Variants in MMS19 observed in about 807,000 individuals in gnomAD.
MMS19 encodes MMS19 cytosolic iron-sulfur assembly component.
Under a neutral mutation model 129.8 loss-of-function variants are expected in MMS19, and 77 were observed. The observed-to-expected ratio is 0.59, with a 90% CI of 0.49 to 0.72. The LOEUF is 0.72. Ranked by LOEUF, MMS19 falls within the 30% of genes least tolerant of loss-of-function variation. The probability of loss-of-function intolerance (pLI) is 0.00; values close to 1 mark genes in which losing one functional copy is unlikely to be tolerated. For missense variants in MMS19, 1,168 were observed against 1,266.3 expected (o/e 0.92, Z 1.18); for synonymous variants, 491 against 502.8 (o/e 0.98, Z 0.31).
rs29001324 is a variant in MMS19 at position 97,462,086 on chromosome 10, G to A, written c.2046C>T (p.Pro682=). ...AGGACACGTTGCCATCCAAGAAGAG[G>A]GGCACAATGTGTGTCACACTCTGGG... ...LAAQSVTHIV[P]LFLDGNVSFL... The change falls in exon 21 of 31, where the codon CCC becomes CCT. Residue 682 remains proline, a synonymous_variant. Transcript: ENST00000438925. 2.3e-3 allele frequency: 3,602 copies of A among 1,586,706 alleles called. 83 individuals are homozygous for A. In the African/African-American group the frequency reaches 0.044, roughly 19 times the overall value.
chr10:97,495,886 A>T (rs2039693213), intron 1 of MMS19, among the ~76,000 whole-genome samples: 1 of 152,322 alleles, frequency 6.6e-6, no homozygotes, highest in East Asian at 1.9e-4. Flanking sequence ...GGCTCAAGCG[A>T]TTCTCCAGCC....
chr10:97,480,143 C>CTTTTTTGCCGGCT (rs1023742558), intron 3 of MMS19: 1 of 371,210 alleles, frequency 2.7e-6, no homozygotes, highest in Admixed American at 3.7e-5. Flanking sequence ...GGAGGGCCAG[C>CTTTTTTGCCGGCT]TTTTTTGCCG....
chr10:97,498,545 G>T, upstream of MMS19: 1 of 920,110 alleles, frequency 1.1e-6, no homozygotes, highest in South Asian at 1.8e-5. Context: ...GGAGGGGCGG[G>T]GCCTGAAATG....
Position 97,461,525 on chromosome 10 carries a change from A to G in MMS19, c.2282T>C (p.Phe761Ser). Residue 761 changes from phenylalanine to serine, a missense_variant, in exon 23 of 31, where the codon TTT becomes TCT. By Grantham distance (155) the Phe-to-Ser change is radical. Transcript: ENST00000438925. ...AGGGTGCTTGTTGAGGAGTCCTGCA[A>G]AGCACTTGGCAGCAGCGGTGGAAGA... ...PFSSTAAAKC[F>S]AGLLNKHPAG... is the part of the protein sequence containing the mutation. The G allele has an allele frequency of 1.2e-6, 2 of 1,606,306 alleles. No homozygotes were observed. The highest frequency in any genetic ancestry group is 8.5e-7 in the Non-Finnish European group (1 of 1,176,406).
intron 1 of MMS19, among the ~76,000 whole-genome samples, chr10:97,490,330 T>C (rs897781564): frequency 6.6e-6 from 1 of 152,220 alleles, no homozygotes; most frequent in African/African-American, 2.4e-5. Context: ...TCCACCCACC[T>C]TGACCTCTCA....
intron 1 of MMS19, among the ~76,000 whole-genome samples, chr10:97,486,633 G>C (rs2135497302): frequency 6.6e-6 from 1 of 152,020 alleles, no homozygotes; most frequent in South Asian, 2.1e-4. Context: ...AGAGTAGAAT[G>C]GTGGCTGCAA....
In MMS19 at chr10:97,468,994, AAGG is replaced by A. The variant is rs1400256835; in HGVS notation, c.1032_1034del (p.Leu345del). 9.4e-6 allele frequency: 15 copies of A among 1,589,030 alleles called. No homozygotes were observed. In the South Asian group the frequency reaches 1.7e-4, roughly 18 times the overall value. On this transcript the variant is annotated inframe_deletion, in exon 12 of 31. Coordinates refer to ENST00000438925, the MANE Select transcript of MMS19 (RefSeq NM_022362.5). The stretch of plus-strand genomic sequence containing the variant: ...GTAGAATGTTGCTAAGGAAGGAGTC[AAGG>A]AGGTCCTCAGCATCAGCCCTCAGCA...
At chr10:97,490,913 T>C (rs1406555836) in intron 1 of MMS19, among the ~76,000 whole-genome samples, 4 of 152,130 alleles carry the variant, frequency 2.6e-5, no homozygotes, top group African/African-American at 9.7e-5. Context: ...ATGAGCAGAC[T>C]GTAAGGGTGG....
intron 14 of MMS19, 124 bp from the exon 15 acceptor site, chr10:97,467,025 C>A (rs1261308710): frequency 2.8e-6 from 3 of 1,081,978 alleles, no homozygotes; most frequent in Non-Finnish European, 4.0e-6. Context: ...GTTGCCCAGG[C>A]TGGAGTGCAG....
intron 1 of MMS19, among the ~76,000 whole-genome samples, chr10:97,496,065 GCCACTGTGCCCA>G (rs1159775251): frequency 6.6e-6 from 1 of 152,246 alleles, no homozygotes; most frequent in Non-Finnish European, 1.5e-5. Flanking sequence ...ACAGGCGTGA[GCCACTGTGCCCA>G]CCACCAACTT....
intron 1 of MMS19, among the ~76,000 whole-genome samples, chr10:97,496,253 T>A (rs1224467232): frequency 6.6e-6 from 1 of 152,196 alleles, no homozygotes; most frequent in Non-Finnish European, 1.5e-5. Context: ...CAGTGGCTCA[T>A]GCCTGTAATC....
At chr10:97,466,928 G>C in intron 14 of MMS19, 27 bp from the exon 15 acceptor site, 1 of 1,612,968 alleles carries the variant, frequency 6.2e-7, no homozygotes, top group Non-Finnish European at 8.5e-7. Flanking sequence ...GGCCAGGTTA[G>C]AAGGAAGCCA....
intron 1 of MMS19, among the ~76,000 whole-genome samples, chr10:97,494,338 T>G (rs193098805): frequency 6.6e-6 from 1 of 152,174 alleles, no homozygotes; most frequent in Non-Finnish European, 1.5e-5. Flanking sequence ...TGACACAGAA[T>G]GCACAAACAG....
At chr10:97,462,201 G>A in intron 20 of MMS19, 82 bp from the exon 21 acceptor site, 1 of 985,638 alleles carries the variant, frequency 1.0e-6, no homozygotes, top group Non-Finnish European at 1.6e-6. Flanking sequence ...TTTCAACCTA[G>A]GGTTTGAATT....
In MMS19 at chr10:97,477,207, C is replaced by A. The variant is rs554740338; in HGVS notation, c.493+140G>T. ...CTTTCTTTACTTCACTGGGAGGGAG[C>A]AGACCCCCTCTTTCCCTTTATCATT... On this transcript the variant is annotated intron_variant, in intron 6 of 30. Coordinates refer to ENST00000438925, the MANE Select transcript of MMS19 (RefSeq NM_022362.5). The A allele has an allele frequency of 3.0e-5, 45 of 1,513,206 alleles. 1 individual carries two copies. The African/African-American group carries it at 6.1e-4, about 21-fold the overall frequency. 93.7% of individuals were successfully genotyped at this position (1,513,206 alleles called of 1,614,324 possible). A position where few individuals can be genotyped will look rare whatever the true frequency, so the allele number is the denominator to read the frequency against.
intron 8 of MMS19, 103 bp downstream of exon 8, chr10:97,476,580 G>T: frequency 1.1e-6 from 1 of 897,256 alleles, no homozygotes; most frequent in Non-Finnish European, 1.8e-6. Context: ...ATGAGGGCGG[G>T]GATGTCTATT....
At chr10:97,481,105 C>A in intron 2 of MMS19, 63 bp from the exon 3 acceptor site, 1 of 1,031,826 alleles carries the variant, frequency 9.7e-7, no homozygotes, top group East Asian at 2.6e-5. Context: ...AAGAAATAAA[C>A]ATTTTACATT....
chr10:97,498,744 C>G, upstream of MMS19: 1 of 310,668 alleles, frequency 3.2e-6, no homozygotes, highest in Non-Finnish European at 6.0e-6. Flanking sequence ...GGGGGCGGTG[C>G]TGTCGGTCAC....
chr10:97,482,910 G>A (rs1416559690), intron 2 of MMS19, among the ~76,000 whole-genome samples: 3 of 151,942 alleles, frequency 2.0e-5, no homozygotes, highest in Non-Finnish European at 2.9e-5. Flanking sequence ...ACAGGCGCCC[G>A]CCACCATGCC....
Sources: gnomAD v4.1 joint callset for allele counts (sites outside exome capture counted in the v4.1 genomes callset) on GRCh38, gnomAD v4.1.1 for gene constraint, MANE v1.5 for transcripts, NCBI Gene and HGNC (gene_info 2026-07-23, HGNC 2026-07-21) for gene names.